The following SYNPR variants were observed in gnomAD, a reference collection of about 807,000 sequenced individuals.
SYNPR encodes synaptoporin.
Under a neutral mutation model 32.9 loss-of-function variants are expected in SYNPR, and 23 were observed. The ratio of observed to expected loss-of-function variants is 0.70; its 90% CI spans 0.50 to 0.99. The LOEUF is 0.99. Ranked by LOEUF, SYNPR falls within the 50% of genes least tolerant of loss-of-function variation. The pLI is 0.00. For missense variants in SYNPR, 318 were observed against 349.3 expected (o/e 0.91, Z 0.71); for synonymous variants, 146 against 135.9 (o/e 1.07, Z -0.52).
At chr3:63,573,622 A>G (rs185322914) in intron 4 of SYNPR, among the ~76,000 whole-genome samples, 1 of 152,274 alleles carries the variant, frequency 6.6e-6, no homozygotes, top group African/African-American at 2.4e-5. Context: ...GAAGTTATCA[A>G]TTGCCAAAGT....
intron 2 of SYNPR, among the ~76,000 whole-genome samples, chr3:63,262,760 C>T (rs1334648289): frequency 6.6e-6 from 1 of 152,108 alleles, no homozygotes; most frequent in Non-Finnish European, 1.5e-5. Flanking sequence ...CAAGTATATC[C>T]AAGGAAGCAC....
intron 2 of SYNPR, among the ~76,000 whole-genome samples, chr3:63,255,220 C>G (rs974583502): frequency 5.3e-5 from 8 of 152,130 alleles, no homozygotes; most frequent in African/African-American, 1.7e-4. Context: ...CTAGACATAT[C>G]TGATTGTACT....
chr3:63,482,113 G>C (rs942803621), intron 3 of SYNPR, among the ~76,000 whole-genome samples: 50 of 152,112 alleles, frequency 3.3e-4, no homozygotes, highest in Non-Finnish European at 2.5e-4. Context: ...TGTGGCGGTG[G>C]AGAGCAGGGT....
upstream of SYNPR, among the ~76,000 whole-genome samples, chr3:63,226,247 T>C (rs943640219): frequency 6.6e-6 from 1 of 152,128 alleles, no homozygotes; most frequent in Non-Finnish European, 1.5e-5. Flanking sequence ...TATACATTGT[T>C]AGTGGGAATG....
intron 3 of SYNPR, among the ~76,000 whole-genome samples, chr3:63,529,052 C>T (rs112064629): frequency 2.8e-4 from 43 of 152,326 alleles, no homozygotes; most frequent in Non-Finnish European, 4.6e-4. Flanking sequence ...CCACAGTGGG[C>T]GATACAAAGT....
rs535692530 is a variant in SYNPR at position 63,459,005 on chromosome 3, T to C, written c.85-21827T>C. 3.9e-5 allele frequency among the ~76,000 whole-genome samples: 6 copies of C among 152,130 alleles called. No homozygotes were observed. In the South Asian group the frequency reaches 1.2e-3, roughly 32 times the overall value. ...CTGAAGTATCTCTCTATCTCTCCTC[T>C]CCCGTCACTTAAGTTTCTCCTTGAT... On this transcript the variant is annotated intron_variant, in intron 2 of 5. Transcript: ENST00000478300.
At chr3:63,252,893 T>A (rs2086345894) in intron 2 of SYNPR, among the ~76,000 whole-genome samples, 1 of 151,686 alleles carries the variant, frequency 6.6e-6, no homozygotes, top group Non-Finnish European at 1.5e-5. Flanking sequence ...ACAAAAATTA[T>A]CCAGGCATGG....
intron 1 of SYNPR, among the ~76,000 whole-genome samples, chr3:63,236,217 C>T (rs2086199290): frequency 6.6e-6 from 1 of 152,040 alleles, no homozygotes; most frequent in Non-Finnish European, 1.5e-5. Flanking sequence ...GTTCTCTATT[C>T]TTTTCCATAG....
At chr3:63,501,514 A>G (rs1251622732) in intron 3 of SYNPR, among the ~76,000 whole-genome samples, 3 of 94,616 alleles carry the variant, frequency 3.2e-5, no homozygotes, top group Non-Finnish European at 6.9e-5. Flanking sequence ...AAAAAAAAAA[A>G]GAAAAGAAAA....
At chr3:63,408,227 AGG>A (rs1491266775) in intron 2 of SYNPR, among the ~76,000 whole-genome samples, 5 of 88,380 alleles carry the variant, frequency 5.7e-5, no homozygotes, top group African/African-American at 1.9e-4. Flanking sequence ...GAAGGAAGGA[AGG>A]AAAGAAAGAA....
At chr3:63,354,512 T>C (rs1173621566) in intron 2 of SYNPR, among the ~76,000 whole-genome samples, 1 of 152,176 alleles carries the variant, frequency 6.6e-6, no homozygotes, top group Non-Finnish European at 1.5e-5. Context: ...CTCATGGTGA[T>C]GGCAAAGACA....
At chr3:63,386,927 T>C (rs2088053923) in intron 2 of SYNPR, among the ~76,000 whole-genome samples, 1 of 152,210 alleles carries the variant, frequency 6.6e-6, no homozygotes, top group Non-Finnish European at 1.5e-5. Context: ...TGGCCTCTGC[T>C]CTTCTTTCCA....
At chr3:63,343,555 C>T (rs2087397774) in intron 2 of SYNPR, among the ~76,000 whole-genome samples, 1 of 152,074 alleles carries the variant, frequency 6.6e-6, no homozygotes, top group South Asian at 2.1e-4. Context: ...CTGGGTACAA[C>T]CCTCCTTTTT....
chr3:63,400,395 T>C (rs2088275627), intron 2 of SYNPR, among the ~76,000 whole-genome samples: 1 of 152,230 alleles, frequency 6.6e-6, no homozygotes, highest in Non-Finnish European at 1.5e-5. Context: ...ACGGCTGCAG[T>C]AACCTGAAGG....
At chr3:63,339,268 T>A (rs1290153936) in intron 2 of SYNPR, among the ~76,000 whole-genome samples, 2 of 152,204 alleles carry the variant, frequency 1.3e-5, no homozygotes, top group African/African-American at 4.8e-5. Flanking sequence ...AGAGGCAACA[T>A]CTCTGCTCAC....
At chr3:63,409,123 T>C (rs1001670053) in intron 2 of SYNPR, among the ~76,000 whole-genome samples, 4 of 152,124 alleles carry the variant, frequency 2.6e-5, no homozygotes, top group Non-Finnish European at 5.9e-5. Flanking sequence ...AAACCCTATA[T>C]CATTTGTTCA....
intron 1 of SYNPR, among the ~76,000 whole-genome samples, chr3:63,231,802 G>A (rs1308750281): frequency 6.6e-6 from 1 of 152,166 alleles, no homozygotes. Context: ...AGGAACAAAA[G>A]AAGAAAAAGT....
chr3:63,267,751 A>G (rs548478677), intron 3 of SYNPR, among the ~76,000 whole-genome samples: 1 of 152,296 alleles, frequency 6.6e-6, no homozygotes, highest in South Asian at 2.1e-4. Flanking sequence ...GTTGATTATT[A>G]TATAGGACTG....
chr3:63,393,606 T>C (rs1560215419), intron 2 of SYNPR, among the ~76,000 whole-genome samples: 1 of 146,748 alleles, frequency 6.8e-6, no homozygotes, highest in Non-Finnish European at 1.5e-5. Flanking sequence ...CAAGCCATTC[T>C]CCCACCTGAG....
Sources: allele counts gnomAD v4.1 joint callset (sites outside exome capture counted in the v4.1 genomes callset), GRCh38; gene constraint gnomAD v4.1.1; transcripts MANE v1.5; gene names NCBI Gene and HGNC (gene_info 2026-07-23, HGNC 2026-07-21).